Variants in SHTN1 observed in about 807,000 individuals in gnomAD.
SHTN1 encodes shootin 1.
Under a neutral mutation model 83.1 loss-of-function variants are expected in SHTN1, and 42 were observed. The observed-to-expected ratio is 0.51, with a 90% CI of 0.39 to 0.65. The LOEUF (loss-of-function observed/expected upper bound fraction) is 0.65. Ranked by LOEUF, SHTN1 falls within the 30% of genes least tolerant of loss-of-function variation. The pLI, the probability that SHTN1 is intolerant of heterozygous loss-of-function variation, is 0.00. For missense variants in SHTN1, 622 were observed against 737.8 expected (o/e 0.84, Z 1.82); for synonymous variants, 224 against 247.7 (o/e 0.90, Z 0.90).
At chr10:116,946,199 T>C (rs1391709186) in intron 7 of SHTN1, among the ~76,000 whole-genome samples, 2 of 149,392 alleles carry the variant, frequency 1.3e-5, no homozygotes, top group African/African-American at 4.9e-5. Flanking sequence ...TATATAAATA[T>C]ATATATAAAC....
intron 1 of SHTN1, among the ~76,000 whole-genome samples, chr10:117,068,862 C>A (rs1433588010): frequency 6.6e-6 from 1 of 152,098 alleles, no homozygotes; most frequent in Non-Finnish European, 1.5e-5. Flanking sequence ...GTGATGAGTA[C>A]ACAGACATTA....
At chr10:116,987,017 G>A (rs934565924) in intron 1 of SHTN1, among the ~76,000 whole-genome samples, 35 of 151,954 alleles carry the variant, frequency 2.3e-4, no homozygotes, top group East Asian at 1.2e-3. Flanking sequence ...GTGAACCACC[G>A]TGCCCGGCCT....
intron 1 of SHTN1, among the ~76,000 whole-genome samples, chr10:117,095,986 T>C (rs1853498931): frequency 3.3e-5 from 5 of 152,208 alleles, no homozygotes; most frequent in Non-Finnish European, 7.3e-5. Flanking sequence ...ACAACCCAAA[T>C]ATAAAAGCAG....
intron 1 of SHTN1, among the ~76,000 whole-genome samples, chr10:117,065,832 GGAAGGA>G (rs1852987938): frequency 1.3e-5 from 1 of 79,236 alleles, no homozygotes; most frequent in Non-Finnish European, 2.5e-5. Context: ...AAGGAAGGAA[GGAAGGA>G]AGGAAGGAAG....
chr10:117,097,329 G>A (rs1288610659), intron 1 of SHTN1, among the ~76,000 whole-genome samples: 1 of 152,190 alleles, frequency 6.6e-6, no homozygotes, highest in Non-Finnish European at 1.5e-5. Flanking sequence ...CAATGACTAA[G>A]TTTAAATTGA....
intron 1 of SHTN1, among the ~76,000 whole-genome samples, chr10:117,098,217 T>G: frequency 1.0e-5 from 1 of 97,166 alleles, no homozygotes; most frequent in African/African-American, 3.4e-5. Context: ...TGAAATCCCG[T>G]CTCTACTAAA....
At chr10:116,949,030 C>T (rs1314896462) in intron 6 of SHTN1, 33 bp from the exon 7 acceptor site, 3 of 1,487,756 alleles carry the variant, frequency 2.0e-6, no homozygotes, top group Non-Finnish European at 2.7e-6. Flanking sequence ...GGAGAAAACA[C>T]CAAAAATTGT....
intron 1 of SHTN1, among the ~76,000 whole-genome samples, chr10:117,090,856 A>G (rs1217855977): frequency 6.6e-6 from 1 of 152,062 alleles, no homozygotes; most frequent in African/African-American, 2.4e-5. Context: ...GAGCCAGGAA[A>G]AAGAGGATAG....
intron 1 of SHTN1, among the ~76,000 whole-genome samples, chr10:117,069,907 G>A (rs887908064): frequency 6.6e-6 from 1 of 152,116 alleles, no homozygotes; most frequent in Non-Finnish European, 1.5e-5. Flanking sequence ...CCAACAGATT[G>A]TACATATTAC....
chr10:116,974,012 C>T (rs956444125), intron 2 of SHTN1: 15 of 1,095,032 alleles, frequency 1.4e-5, no homozygotes, highest in African/African-American at 4.9e-5. Flanking sequence ...TTAAATCATT[C>T]CCACTAGGAT....
chr10:117,025,001 C>T (rs748704169), intron 2 of SHTN1, among the ~76,000 whole-genome samples: 20 of 152,108 alleles, frequency 1.3e-4, no homozygotes, highest in Non-Finnish European at 2.2e-4. Flanking sequence ...ACCTGGGACT[C>T]GGATGGAGCA....
At chr10:116,975,119 C>T (rs1023692390) in intron 2 of SHTN1, among the ~76,000 whole-genome samples, 3 of 152,126 alleles carry the variant, frequency 2.0e-5, no homozygotes, top group African/African-American at 7.2e-5. Flanking sequence ...TAGCAAGTAG[C>T]ACCATTTCCA....
chr10:117,069,080 G>C (rs928108163), intron 1 of SHTN1, among the ~76,000 whole-genome samples: 5 of 152,106 alleles, frequency 3.3e-5, no homozygotes, highest in Admixed American at 2.0e-4. Context: ...AGGAACAGGA[G>C]TCACTGAAAA....
At chr10:117,105,795 A>G (rs903985262) in intron 1 of SHTN1, among the ~76,000 whole-genome samples, 1 of 152,180 alleles carries the variant, frequency 6.6e-6, no homozygotes, top group Non-Finnish European at 1.5e-5. Context: ...AGGTGGGAGG[A>G]TTGCTTGAGC....
intron 1 of SHTN1, among the ~76,000 whole-genome samples, chr10:116,979,791 G>C (rs940837158): frequency 6.6e-6 from 1 of 152,222 alleles, no homozygotes; most frequent in African/African-American, 2.4e-5. Context: ...CTATTAGTCT[G>C]TGGTATTGTA....
At chr10:116,986,715 C>A (rs1039415974) in intron 1 of SHTN1, among the ~76,000 whole-genome samples, 1 of 115,978 alleles carries the variant, frequency 8.6e-6, no homozygotes, top group African/African-American at 3.0e-5. Context: ...AACCCAGTAT[C>A]CTTTTTTTTT....
chr10:117,113,813 A>C (rs2133640932), intron 1 of SHTN1, among the ~76,000 whole-genome samples: 1 of 152,346 alleles, frequency 6.6e-6, no homozygotes, highest in South Asian at 2.1e-4. Flanking sequence ...TGGGAGGCTG[A>C]GGCAGGTGGA....
rs1000376076 is a variant in SHTN1 at position 116,900,875 on chromosome 10, T to C, written c.1673+890A>G. On this transcript the variant is annotated intron_variant, in intron 16 of 16. Transcript: ENST00000355371. ...CCAGAAGAGAAAAAAAAGTTAATAG[T>C]AGCAATGAGAGAATGCAAGAGAGGA... 10 of 985,060 alleles carry C rather than the reference T, an allele frequency of 1.0e-5. No homozygotes were observed. The East Asian group carries it at 1.1e-3, about 112-fold the overall frequency. 61.0% of individuals were successfully genotyped at this position (985,060 alleles called of 1,614,324 possible).
At chr10:116,915,566 C>T in intron 12 of SHTN1, 82 bp from the exon 13 acceptor site, 2 of 768,012 alleles carry the variant, frequency 2.6e-6, no homozygotes, top group East Asian at 2.6e-5. Flanking sequence ...GGAAAAATTA[C>T]ACTATGCAAT....
Sources: allele counts gnomAD v4.1 joint callset (sites outside exome capture counted in the v4.1 genomes callset), GRCh38; gene constraint gnomAD v4.1.1; transcripts MANE v1.5; gene names NCBI Gene and HGNC (gene_info 2026-07-23, HGNC 2026-07-21).